Variants in ASPM observed in about 807,000 individuals in gnomAD.
ASPM encodes abnormal spindle-like microcephaly-associated protein.
Under a neutral mutation model 366.4 loss-of-function variants are expected in ASPM, and 256 were observed. The ratio of observed to expected loss-of-function variants is 0.70; its 90% CI spans 0.63 to 0.77. The LOEUF is 0.77. Among genes scored for constraint, ASPM ranks in the 30% least tolerant of loss-of-function variants. The probability of loss-of-function intolerance (pLI) is 0.00; values close to 1 mark genes in which losing one functional copy is unlikely to be tolerated. For synonymous variants in ASPM, 1,414 were observed against 1,342.9 expected, an observed-to-expected ratio of 1.05 and a Z score of -1.16; for missense variants, 4,146 against 4,090.4, an observed-to-expected ratio of 1.01 and a Z score of -0.37.
chr1:197,110,762 T>C (rs1657558311), intron 17 of ASPM, among the ~76,000 whole-genome samples: 1 of 152,016 alleles, frequency 6.6e-6, no homozygotes, highest in Non-Finnish European at 1.5e-5. Context: ...TGATGTCTAC[T>C]ACACAAATAG....
intron 27 of ASPM, 93 bp from the exon 28 acceptor site, chr1:197,084,519 C>T (rs1656528947): frequency 1.3e-6 from 1 of 794,874 alleles, no homozygotes; most frequent in Non-Finnish European, 2.1e-6. Flanking sequence ...TGTAGCTACT[C>T]CTGAACACAT....
rs1304942772 is a variant in ASPM at position 197,105,144 on chromosome 1, T to C, written c.4107A>G (p.Lys1369=). The part of the protein sequence containing the change: ...RRYSTRQRFL[K]LKYYSIILQS... ...GCAGGATGATTGAATAATATTTCAA[T>C]TTCAGAAATCTTTGTCTAGTGGAAT... The change falls in exon 18 of 28, where the codon AAA becomes AAG. Residue 1369 remains lysine (K), a synonymous_variant. Transcript: ENST00000367409. 1 of 1,609,224 alleles carries C rather than the reference T, an allele frequency of 6.2e-7. No homozygotes were observed. The highest frequency in any genetic ancestry group is 2.2e-5 in the East Asian group (1 of 44,722).
chr1:197,132,151 C>T (rs1658274495), intron 7 of ASPM, 134 bp downstream of exon 7: 1 of 666,726 alleles, frequency 1.5e-6, no homozygotes, highest in Non-Finnish European at 2.5e-6. Context: ...ACATTTTATA[C>T]TAAAAGATGA....
chr1:197,094,497 A>C (rs1361157477), intron 19 of ASPM, among the ~76,000 whole-genome samples: 2 of 151,796 alleles, frequency 1.3e-5, no homozygotes, highest in Non-Finnish European at 2.9e-5. Context: ...AAACTAGATA[A>C]AGGGGGAATG....
Position 197,117,919 on chromosome 1 carries a change from A to C in ASPM, c.3935T>G (p.Leu1312Trp), listed in dbSNP as rs748103087. The C allele has an allele frequency of 1.9e-6, 3 of 1,613,560 alleles. No homozygotes were observed. Among genetic ancestry groups the C allele is most frequent in the Non-Finnish European group, 2.5e-6 (3 of 1,179,668 alleles). ...GAGTGCTGCATTAACTCTTTTTCTC[A>C]ATCTTTGTTTTGCTAGAAAATTGAT... ...AVINFLAKQR[L>W]RKRVNAALVI... Residue 1312 changes from leucine (L) to tryptophan (W), a missense_variant, in exon 17 of 28, where the codon TTG (leucine) becomes TGG (tryptophan). Coordinates refer to ENST00000367409, the MANE Select transcript of ASPM (RefSeq NM_018136.5).
chr1:197,129,406 A>G, intron 8 of ASPM, 89 bp from the exon 9 acceptor site: 1 of 1,430,084 alleles, frequency 7.0e-7, no homozygotes, highest in Non-Finnish European at 9.7e-7. Flanking sequence ...ATAAGGTGTT[A>G]GTAAAACAAA....
Position 197,143,642 on chromosome 1 carries a change from C to A in ASPM, c.610G>T (p.Gly204Cys). Residue 204 changes from glycine (G) to cysteine (C), a missense_variant, in exon 3 of 28, where the codon GGT becomes TGT. Coordinates refer to ENST00000367409, the MANE Select transcript of ASPM (RefSeq NM_018136.5). ...ACENLAMNEG[G>C]PPTENNSLIL... ...AAAGAATTGTTTTCTGTTGGGGGAC[C>A]GCCTTCATTCATAGCCAAGTTTTCA... 6.2e-7 allele frequency: 1 copy of A among 1,613,128 alleles called. No individual in the cohort carries two copies. Among genetic ancestry groups the A allele is most frequent in the Middle Eastern group, 1.7e-4 (1 of 6,060 alleles).
At chr1:197,114,950 C>A (rs533116691) in intron 17 of ASPM, among the ~76,000 whole-genome samples, 7 of 152,070 alleles carry the variant, frequency 4.6e-5, no homozygotes, top group African/African-American at 1.7e-4. Flanking sequence ...TGTTTCTCCA[C>A]GTTGGCCAGA....
chr1:197,103,309 T>C lies in ASPM; in HGVS notation c.5942A>G (p.Tyr1981Cys), dbSNP rs777058680. The change falls in exon 18 of 28, where the codon TAT (tyrosine) becomes TGT (cysteine). Residue 1981 changes from tyrosine to cysteine, a missense_variant. Around this residue, in one of 3 missense-constraint regions of ASPM, gnomAD observed 3,624 missense variants for 3,591.7 expected, o/e 1.01. Coordinates refer to ENST00000367409, the MANE Select transcript of ASPM (RefSeq NM_018136.5). Reference sequence around the variant, plus strand: ...CTTCTTTTGTTGCACATGCATTCTATAGTATGACTGTATGATGATAGCACA... The same window carrying C: ...CTTCTTTTGTTGCACATGCATTCTACAGTATGACTGTATGATGATAGCACA... ...HKCAIIIQSYYRMHVQQKKWK... is the reference protein window; with the variant it reads ...HKCAIIIQSYCRMHVQQKKWK... The C allele has an allele frequency of 1.2e-6, 2 of 1,613,210 alleles. No homozygotes were observed. Among genetic ancestry groups the C allele is most frequent in the East Asian group, 2.2e-5 (1 of 44,846 alleles).
chr1:197,144,931 GTTT>G (rs1466849443), intron 1 of ASPM, among the ~76,000 whole-genome samples: 4 of 152,120 alleles, frequency 2.6e-5, no homozygotes, highest in Non-Finnish European at 5.9e-5. Context: ...CTATAAAATA[GTTT>G]ATTCTAAAAA....
intron 21 of ASPM, among the ~76,000 whole-genome samples, chr1:197,092,356 T>G: frequency 6.6e-6 from 1 of 151,736 alleles, no homozygotes; most frequent in Non-Finnish European, 1.5e-5. Flanking sequence ...GTATAAATAT[T>G]AAACTCAAAA....
At chr1:197,109,864 T>C (rs1373749168) in intron 17 of ASPM, among the ~76,000 whole-genome samples, 1 of 151,994 alleles carries the variant, frequency 6.6e-6, no homozygotes, top group African/African-American at 2.4e-5. Flanking sequence ...CTATTTATAA[T>C]AGCTCCAAAA....
chr1:197,129,125 G>A (rs1658181709), intron 9 of ASPM, 62 bp downstream of exon 9: 1 of 1,563,500 alleles, frequency 6.4e-7, no homozygotes, highest in Non-Finnish European at 8.7e-7. Context: ...AACATACCAT[G>A]AAAGCAAGCA....
At position 197,086,934 on chromosome 1, in the gene ASPM, G is replaced by C; in HGVS notation, c.10200C>G (p.Tyr3400Ter). The change falls in exon 27 of 28, where the codon TAC becomes TAG. Residue 3400 changes from tyrosine to a stop codon, truncating the protein, a stop_gained. Coordinates refer to ENST00000367409, the MANE Select transcript of ASPM (RefSeq NM_018136.5). LOFTEE classifies it high-confidence loss of function. Reference sequence around the variant, plus strand: ...TATGAGCTGTAAGTTTGTAGAGACTGTAAATACGGTCAACAACTTTGGACC... The same window carrying C: ...TATGAGCTGTAAGTTTGTAGAGACTCTAAATACGGTCAACAACTTTGGACC... ...RSRSKVVDRI[Y>*]SLYKLTAHKH... 1 of 1,610,682 alleles carries C rather than the reference G, an allele frequency of 6.2e-7. No homozygotes were observed. Among genetic ancestry groups the C allele is most frequent in the Non-Finnish European group, 8.5e-7 (1 of 1,179,362 alleles).
At chr1:197,135,880 G>C (rs1658406920) in intron 4 of ASPM, among the ~76,000 whole-genome samples, 2 of 151,982 alleles carry the variant, frequency 1.3e-5, no homozygotes, top group Admixed American at 6.6e-5. Context: ...CCAAACCCAA[G>C]AGATGGAGGT....
rs1658321341 is a variant in ASPM at position 197,133,371 on chromosome 1, T to C, written c.2398A>G (p.Arg800Gly). ...TTACCCACATCTTTCCATAGGTGTCTATCTTTTCGAACAATTAACCGCCTA... is the reference window on the plus strand; with the variant it reads ...TTACCCACATCTTTCCATAGGTGTCCATCTTTTCGAACAATTAACCGCCTA... Reference protein sequence around the residue: ...EARRLIVRKDRHLWKDVGERQ... With the variant: ...EARRLIVRKDGHLWKDVGERQ... Residue 800 changes from arginine (R) to glycine (G), a missense_variant, in exon 6 of 28, where the codon AGA becomes GGA. Physicochemically the swap from Arg to Gly is moderately radical, Grantham distance 125. This residue lies in a region of ASPM where 3,624 missense variants were observed against 3,591.7 expected (regional missense o/e 1.01). Coordinates refer to ENST00000367409, the MANE Select transcript of ASPM (RefSeq NM_018136.5). 13 of 1,613,922 alleles carry C rather than the reference T, an allele frequency of 8.1e-6. No homozygotes were observed. The highest frequency in any genetic ancestry group is 1.1e-5 in the South Asian group (1 of 91,036).
At position 197,142,502 on chromosome 1, in the gene ASPM, C is replaced by A; in HGVS notation, c.1750G>T (p.Ala584Ser). 6.8e-6 allele frequency: 11 copies of A among 1,614,032 alleles called. No homozygotes were observed. The highest frequency in any genetic ancestry group is 9.3e-6 in the Non-Finnish European group (11 of 1,179,878). ...TCTGTAATTGCAACTCTCACATTTGCATCTTCCATGCTTCCATCGCTCTTT... is the reference window on the plus strand; with the variant it reads ...TCTGTAATTGCAACTCTCACATTTGAATCTTCCATGCTTCCATCGCTCTTT... ...KRKSDGSMED[A>S]NVRVAITEHT... The change falls in exon 3 of 28, where the codon GCA (alanine) becomes TCA (serine). Residue 584 changes from alanine to serine, a missense_variant. By Grantham distance (99) the Ala-to-Ser change is moderately conservative. This residue lies in a region of ASPM where 3,624 missense variants were observed against 3,591.7 expected (regional missense o/e 1.01). Transcript: ENST00000367409.
At chr1:197,133,320 T>C in intron 6 of ASPM, 30 bp downstream of exon 6, 1 of 1,590,886 alleles carries the variant, frequency 6.3e-7, no homozygotes, top group East Asian at 2.2e-5. Context: ...TTTTAAAGAA[T>C]TAATGTCAAG....
In ASPM at chr1:197,100,555, G is replaced by A. The variant is rs760951393; in HGVS notation, c.8696C>T (p.Ala2899Val). Residue 2899 changes from alanine to valine, a missense_variant, in exon 18 of 28, where the codon GCA (alanine) becomes GTA (valine). This residue lies in a region of ASPM where 3,624 missense variants were observed against 3,591.7 expected (regional missense o/e 1.01). Transcript: ENST00000367409. The stretch of plus-strand genomic sequence containing the variant: ...TAAATAGACTTGTCTTTGATGTTTT[G>A]CAGACAGAAATGCTCTGTAGTGATT... ...LQNHYRAFLS[A>V]KHQRQVYLQI... is the part of the protein sequence containing the mutation. The A allele has an allele frequency of 8.7e-6, 14 of 1,611,402 alleles. No homozygotes were observed. The East Asian group carries it at 8.9e-5, about 10-fold the overall frequency.
Sources: allele counts gnomAD v4.1 joint callset (sites outside exome capture counted in the v4.1 genomes callset), GRCh38; gene constraint gnomAD v4.1.1; regional missense constraint gnomAD v4.1.1; transcripts MANE v1.5; gene names NCBI Gene and HGNC (gene_info 2026-07-23, HGNC 2026-07-21).